Variants in GSDMC observed in about 807,000 individuals in gnomAD.
The protein encoded by GSDMC is gasdermin-C.
A neutral mutation model predicts 58.0 loss-of-function variants in GSDMC; 59 were observed. The observed-to-expected ratio is 1.02, with a 90% CI of 0.82 to 1.26. The LOEUF (loss-of-function observed/expected upper bound fraction) is 1.26, where lower values mean the gene tolerates loss of function less well. Ranked by LOEUF, GSDMC falls within the 50% of genes most tolerant of loss-of-function variation. The pLI, the probability that GSDMC is intolerant of heterozygous loss-of-function variation, is 0.00. For missense variants in GSDMC, 659 were observed against 598.5 expected (o/e 1.10, Z -1.06); for synonymous variants, 241 against 220.2 (o/e 1.09, Z -0.83).
In GSDMC at chr8:129,777,549, G is replaced by T; in HGVS notation, c.39C>A (p.Val13=). The T allele has an allele frequency of 6.2e-7, 1 of 1,612,624 alleles. No individual in the cohort carries two copies. The highest frequency in any genetic ancestry group is 1.1e-5 in the South Asian group (1 of 91,044). ...TCAGGTCTTTGCTTCCAATCTCTTT[G>T]ACCAAATTTTTGCTAATGCGTTCCA... is the stretch of plus-strand genomic sequence containing the variant. The part of the protein sequence containing the change: ...SMLERISKNL[V]KEIGSKDLTP... The change falls in exon 2 of 14, where the codon GTC becomes GTA. Residue 13 remains valine, a synonymous_variant. Coordinates refer to ENST00000276708, the MANE Select transcript of GSDMC (RefSeq NM_031415.3).
At chr8:129,741,013 T>A in the GSDMC span, among the ~76,000 whole-genome samples, 2 of 151,972 alleles carry the variant, frequency 1.3e-5, no homozygotes, top group Admixed American at 6.6e-5. Flanking sequence ...TTGAATTGAT[T>A]TTTTTTTATG....
chr8:129,762,919 T>C (rs1455435287), intron 4 of GSDMC, among the ~76,000 whole-genome samples, 188 bp from the exon 5 acceptor site: 1 of 152,214 alleles, frequency 6.6e-6, no homozygotes, highest in Non-Finnish European at 1.5e-5. Context: ...ATTTTTCAAT[T>C]TCATGTTGAT....
At chr8:129,716,577 A>T in the GSDMC span, among the ~76,000 whole-genome samples, 1 of 152,166 alleles carries the variant, frequency 6.6e-6, no homozygotes, top group African/African-American at 2.4e-5. Context: ...AGACAACTTG[A>T]CTTCCTCTCT....
the GSDMC span, among the ~76,000 whole-genome samples, chr8:129,727,266 G>A: frequency 6.6e-6 from 1 of 152,068 alleles, no homozygotes; most frequent in African/African-American, 2.4e-5. Flanking sequence ...TCAAGATGGT[G>A]GATTAAAGCC....
the GSDMC span, among the ~76,000 whole-genome samples, chr8:129,725,718 A>G: frequency 6.6e-6 from 1 of 152,170 alleles, no homozygotes; most frequent in African/African-American, 2.4e-5. Context: ...CTAGCACTAT[A>G]CTAGGTTCTT....
At chr8:129,723,437 T>G in the GSDMC span, among the ~76,000 whole-genome samples, 1 of 121,480 alleles carries the variant, frequency 8.2e-6, no homozygotes, top group African/African-American at 3.7e-5. Flanking sequence ...TTTTTTTTTT[T>G]TTGTATTTTT....
chr8:129,722,176 G>T, the GSDMC span, among the ~76,000 whole-genome samples: 1 of 152,090 alleles, frequency 6.6e-6, no homozygotes, highest in Non-Finnish European at 1.5e-5. Flanking sequence ...TCTTCCCACT[G>T]TTGATGAGTG....
chr8:129,750,824 G>C lies in GSDMC; in HGVS notation c.944-254C>G, dbSNP rs118174193. 2.2e-3 allele frequency among the ~76,000 whole-genome samples: 329 copies of C among 152,314 alleles called. 6 individuals are homozygous for C. The East Asian group carries it at 0.058, about 27-fold the overall frequency. On this transcript the variant is annotated intron_variant, in intron 10 of 13. Coordinates refer to ENST00000276708, the MANE Select transcript of GSDMC (RefSeq NM_031415.3). ...GGAGCAGAGATTGAGATTCTGAAAA[G>C]ACATCATCACAAATGGAAGAGAATG...
the GSDMC span, among the ~76,000 whole-genome samples, chr8:129,717,250 C>CTTTTTTTTTTTTTTTTTTTTTTTTTTTT: frequency 8.7e-6 from 1 of 114,686 alleles, no homozygotes; most frequent in Non-Finnish European, 1.7e-5. Flanking sequence ...TGGTCCTGGG[C>CTTTTTTTTTTTTTTTTTTTTTTTTTTTT]TTTTTTTTTT....
At chr8:129,751,725 AC>A in intron 9 of GSDMC, 136 bp downstream of exon 9, 2 of 1,139,134 alleles carry the variant, frequency 1.8e-6, no homozygotes, top group Non-Finnish European at 2.6e-6. Flanking sequence ...AGCTTTCTGG[AC>A]CCTTCCCATT....
chr8:129,777,654 A>G (rs1030171887), intron 1 of GSDMC, 63 bp from the exon 2 acceptor site: 1 of 825,660 alleles, frequency 1.2e-6, no homozygotes, highest in Non-Finnish European at 2.1e-6. Context: ...ACTCTCACCA[A>G]TTATTGATAT....
In GSDMC at chr8:129,750,028, G is replaced by C; in HGVS notation, c.1175C>G (p.Pro392Arg). The C allele has an allele frequency of 6.2e-7, 1 of 1,610,116 alleles. No homozygotes were observed. Among genetic ancestry groups the C allele is most frequent in the South Asian group, 1.1e-5 (1 of 89,996 alleles). The change falls in exon 12 of 14, where the codon CCA becomes CGA. Residue 392 changes from proline to arginine, a missense_variant. Pro to Arg is a moderately radical substitution (Grantham distance 103). Transcript: ENST00000276708. ...AAGGAGATAAAGAATGGGGTCCTTT[G>C]GGTTAAACCATGCATGGTTTGAATC... is the stretch of plus-strand genomic sequence containing the variant. Reference protein sequence around the residue: ...QQDSNHAWFNPKDPILYLLEA... With the variant: ...QQDSNHAWFNRKDPILYLLEA...
chr8:129,776,291 G>T lies in GSDMC; in HGVS notation c.221-6C>A. On this transcript the variant is annotated splice_polypyrimidine_tract_variant and splice_region_variant and intron_variant, in intron 2 of 13. Coordinates refer to ENST00000276708, the MANE Select transcript of GSDMC (RefSeq NM_031415.3). ...CGGTCCTGTCACAACAGTTTCTGGGGAAAGAAAAGACGACCATAGGTTTAG... is the reference window on the plus strand; with the variant it reads ...CGGTCCTGTCACAACAGTTTCTGGGTAAAGAAAAGACGACCATAGGTTTAG... 6.3e-7 allele frequency: 1 copy of T among 1,592,860 alleles called. No homozygotes were observed. The highest frequency in any genetic ancestry group is 8.5e-7 in the Non-Finnish European group (1 of 1,170,944).
chr8:129,762,101 C>T (rs2033684367), intron 5 of GSDMC, among the ~76,000 whole-genome samples: 1 of 152,142 alleles, frequency 6.6e-6, no homozygotes, highest in African/African-American at 2.4e-5. Context: ...GAGTCTAAAC[C>T]CAAAGTGTGT....
chr8:129,779,636 A>G (rs1261287748), intron 1 of GSDMC, among the ~76,000 whole-genome samples: 2 of 151,512 alleles, frequency 1.3e-5, no homozygotes, highest in African/African-American at 4.9e-5. Flanking sequence ...GAAAATATAT[A>G]TATAATTAAA....
rs368419620 is a variant in GSDMC, at chr8:129,748,524, G to A, written c.1504C>T (p.Leu502=). 2.5e-6 allele frequency: 4 copies of A among 1,610,222 alleles called. No homozygotes were observed. Among genetic ancestry groups the A allele is most frequent in the East Asian group, 2.2e-5 (1 of 44,786 alleles). ...GCTTAGGCCTCAGCCAGCTGCTGCA[G>A]CAACGAGAGAGTCCCATAGAGGGCA... ...LSALYGTLSL[L]QQLAEA The change falls in exon 14 of 14, where the codon CTG becomes TTG. Residue 502 remains leucine, a synonymous_variant. Coordinates refer to ENST00000276708, the MANE Select transcript of GSDMC (RefSeq NM_031415.3).
At chr8:129,782,283 C>A (rs969164776) in intron 1 of GSDMC, among the ~76,000 whole-genome samples, 2 of 151,958 alleles carry the variant, frequency 1.3e-5, no homozygotes, top group East Asian at 3.9e-4. Flanking sequence ...AAATAAATAA[C>A]CTAATGATGC....
chr8:129,751,576 G>A lies in GSDMC; in HGVS notation c.917-8C>T, dbSNP rs746417774. On this transcript the variant is annotated splice_polypyrimidine_tract_variant and splice_region_variant and intron_variant, in intron 9 of 13. Transcript: ENST00000276708. The stretch of plus-strand genomic sequence containing the variant: ...AGGGTTCCTCTATTCTTCCTAGAAG[G>A]AGAATCAAGTCATCATCTCACTTCC... 2.5e-6 allele frequency: 4 copies of A among 1,611,604 alleles called. No individual in the cohort carries two copies. In the South Asian group the frequency reaches 4.4e-5, roughly 18 times the overall value.
At chr8:129,713,632 G>T in the GSDMC span, among the ~76,000 whole-genome samples, 1 of 152,172 alleles carries the variant, frequency 6.6e-6, no homozygotes, top group Non-Finnish European at 1.5e-5. Flanking sequence ...TGAGCTTGAG[G>T]CAGAGTGTCT....
Sources: allele counts gnomAD v4.1 joint callset (sites outside exome capture counted in the v4.1 genomes callset), GRCh38; gene constraint gnomAD v4.1.1; transcripts MANE v1.5; gene names NCBI Gene and HGNC (gene_info 2026-07-23, HGNC 2026-07-21).